NIPA1: variants seen among roughly 807,000 people sequenced by gnomAD.
NIPA1 encodes the protein NIPA magnesium transporter 1, also known as magnesium transporter NIPA1.
A neutral mutation model predicts 23.9 loss-of-function variants in NIPA1; 13 were observed. The observed-to-expected ratio is 0.54, with a 90% CI of 0.35 to 0.87. The LOEUF is 0.87. NIPA1 is among the 40% of genes least tolerant of loss of function. The pLI, the probability that NIPA1 is intolerant of heterozygous loss-of-function variation, is 0.01. For synonymous variants in NIPA1, 234 were observed against 202.9 expected (o/e 1.15, Z -1.30); for missense variants, 362 against 429.7 (o/e 0.84, Z 1.39).
At chr15:22,813,468 G>A (rs1016287476) in intron 3 of NIPA1, among the ~76,000 whole-genome samples, 32 of 152,222 alleles carry the variant, frequency 2.1e-4, no homozygotes, top group Admixed American at 5.2e-4. Flanking sequence ...TACTTACTGC[G>A]AAAATGATTG....
chr15:22,816,177 G>GTT (rs1895411551), intron 3 of NIPA1, among the ~76,000 whole-genome samples: 1 of 116,198 alleles, frequency 8.6e-6, no homozygotes, highest in Non-Finnish European at 1.7e-5. Flanking sequence ...CAGAAGACCT[G>GTT]ATTTTTTTTT....
chr15:22,793,514 C>T (rs1213199857), intron 1 of NIPA1, among the ~76,000 whole-genome samples: 1 of 151,626 alleles, frequency 6.6e-6, no homozygotes, highest in Non-Finnish European at 1.5e-5. Context: ...GATCTTGGCT[C>T]ACTGCAACCT....
At chr15:22,793,768 G>A (rs906319698) in intron 1 of NIPA1, among the ~76,000 whole-genome samples, 5 of 152,082 alleles carry the variant, frequency 3.3e-5, no homozygotes, top group African/African-American at 1.2e-4. Flanking sequence ...TAGAGGTCCG[G>A]TTTTATTTTT....
intron 3 of NIPA1, among the ~76,000 whole-genome samples, chr15:22,813,074 G>A (rs908474778): frequency 2.0e-5 from 3 of 152,128 alleles, no homozygotes; most frequent in Admixed American, 6.6e-5. Context: ...TTTCTTAGGA[G>A]AAGGTCCCGG....
At chr15:22,811,630 CTTTG>C (rs1316473740) in intron 2 of NIPA1, among the ~76,000 whole-genome samples, 9 of 152,232 alleles carry the variant, frequency 5.9e-5, no homozygotes, top group Non-Finnish European at 1.5e-5. Context: ...ACATCATGTA[CTTTG>C]TTTGTCACAT....
rs769522060 is a variant in NIPA1 at position 22,823,774 on chromosome 15, C to T, written c.525C>T (p.Leu175=). 5.0e-5 allele frequency: 80 copies of T among 1,613,082 alleles called. No homozygotes were observed. Among genetic ancestry groups the T allele is most frequent in the Admixed American group, 2.8e-4 (17 of 59,934 alleles). ...LCIVLLMLLL[L]IFWIAPAHGP... Reference sequence around the variant, plus strand: ...TCGTGCTGCTCATGCTGCTGCTGCTCATCTTCTGGATCGCGCCGGCCCATG... The same window carrying T: ...TCGTGCTGCTCATGCTGCTGCTGCTTATCTTCTGGATCGCGCCGGCCCATG... The change falls in exon 5 of 5, where the codon CTC becomes CTT. Residue 175 remains leucine, a synonymous_variant. Coordinates refer to ENST00000337435, the MANE Select transcript of NIPA1 (RefSeq NM_144599.5).
At chr15:22,820,666 A>C (rs751497382) in intron 4 of NIPA1, among the ~76,000 whole-genome samples, 193 bp downstream of exon 4, 1 of 151,682 alleles carries the variant, frequency 6.6e-6, no homozygotes, top group Non-Finnish European at 1.5e-5. Flanking sequence ...CTCTGCCCTC[A>C]CCCTCCCGCC....
chr15:22,788,654 A>AGTT (rs1894763145), intron 1 of NIPA1, among the ~76,000 whole-genome samples: 2 of 152,148 alleles, frequency 1.3e-5, no homozygotes, highest in South Asian at 4.1e-4. Flanking sequence ...TACCAGCTTT[A>AGTT]GTTAGTTTTC....
upstream of NIPA1, chr15:22,786,294 C>G (rs1894693821): frequency 6.6e-6 from 1 of 152,268 alleles, no homozygotes; most frequent in Admixed American, 6.5e-5. Context: ...GGACCGCTGC[C>G]CGCCGGTGCG....
chr15:22,820,434 A>G lies in NIPA1; in HGVS notation c.439A>G (p.Thr147Ala), dbSNP rs1566787748. The part of the protein sequence containing the change: ...IIHSPKSESV[T>A]TQAELEEKLT... The stretch of plus-strand genomic sequence containing the variant: ...CCACTCCCCAAAGTCTGAGAGTGTG[A>G]CAACTCAGGCTGAGCTGGAGGAAAA... The change falls in exon 4 of 5, where the codon ACA becomes GCA. Residue 147 changes from threonine (T) to alanine (A), a missense_variant. Transcript: ENST00000337435. The G allele has an allele frequency of 6.2e-7, 1 of 1,613,224 alleles. No homozygotes were observed. The highest frequency in any genetic ancestry group is 1.1e-5 in the South Asian group (1 of 91,068).
intron 3 of NIPA1, among the ~76,000 whole-genome samples, chr15:22,817,642 A>C (rs1187050782): frequency 6.6e-6 from 1 of 151,616 alleles, no homozygotes; most frequent in Middle Eastern, 3.2e-3. Flanking sequence ...CTCTACTAAA[A>C]GAAATACAAA....
intron 1 of NIPA1, among the ~76,000 whole-genome samples, chr15:22,797,738 C>T (rs568431419): frequency 2.0e-5 from 3 of 151,652 alleles, no homozygotes; most frequent in East Asian, 1.9e-4. Flanking sequence ...CCTGACCTCA[C>T]GTGATCCGCC....
rs146546813 is a variant in NIPA1 at position 22,825,746 on chromosome 15, G to C, written c.*1507G>C. ...ATTTTCTAACAAAAAGCCAATAAAT[G>C]TAGCCATCTCCTTGTTGTTTGCAAT... On this transcript the variant is annotated 3_prime_UTR_variant, in exon 5 of 5. Transcript: ENST00000337435. 1 of 152,694 alleles carries C rather than the reference G, an allele frequency of 6.5e-6. No homozygotes were observed. The highest frequency in any genetic ancestry group is 1.5e-5 in the Non-Finnish European group (1 of 68,016). The allele number at this position is 152,694 out of a possible 1,614,324, so 9.5% of individuals were successfully genotyped here. A position where few individuals can be genotyped will look rare whatever the true frequency, so the allele number is the denominator to read the frequency against.
chr15:22,809,321 A>G (rs1309568207), intron 1 of NIPA1, among the ~76,000 whole-genome samples: 1 of 152,074 alleles, frequency 6.6e-6, no homozygotes, highest in Admixed American at 6.6e-5. Flanking sequence ...CAGGAGGCAG[A>G]GGTTGTAGTC....
At chr15:22,810,592 A>G (rs1895298529) in intron 1 of NIPA1, among the ~76,000 whole-genome samples, 157 bp from the exon 2 acceptor site, 3 of 152,188 alleles carry the variant, frequency 2.0e-5, no homozygotes, top group South Asian at 4.1e-4. Flanking sequence ...GCTGCCATTT[A>G]TAGATGAAAG....
intron 3 of NIPA1, chr15:22,814,205 A>G: frequency 1.3e-6 from 1 of 797,744 alleles, no homozygotes; most frequent in Non-Finnish European, 1.8e-6. Flanking sequence ...TTGGAAAAAA[A>G]CAATCAAAGA....
chr15:22,809,539 G>A (rs1053733034), intron 1 of NIPA1, among the ~76,000 whole-genome samples: 18 of 151,982 alleles, frequency 1.2e-4, no homozygotes, highest in African/African-American at 3.9e-4. Flanking sequence ...GAGGTCAGGA[G>A]TTCGAGACCA....
In NIPA1 at chr15:22,788,112, G is replaced by C. The variant is rs577321625; in HGVS notation, c.178+1278G>C. On this transcript the variant is annotated intron_variant, in intron 1 of 4. Coordinates refer to ENST00000337435, the MANE Select transcript of NIPA1 (RefSeq NM_144599.5). ...ACTGGGTGAGATGGTCAACGCGCGT[G>C]ACCTTATAAATAGGATGGCCTGAGA... Among the ~76,000 whole-genome samples, 40 of 152,222 alleles carry C rather than the reference G, an allele frequency of 2.6e-4. 2 individuals carry two copies. In the South Asian group the frequency reaches 7.9e-3, roughly 30 times the overall value.
chr15:22,787,217 C>T (rs1247579428), intron 1 of NIPA1, among the ~76,000 whole-genome samples: 1 of 152,118 alleles, frequency 6.6e-6, no homozygotes, highest in Non-Finnish European at 1.5e-5. Context: ...CAACCCGCGG[C>T]CGGGAGCCTC....
Sources: gnomAD v4.1 joint callset for allele counts (sites outside exome capture counted in the v4.1 genomes callset) on GRCh38, gnomAD v4.1.1 for gene constraint, MANE v1.5 for transcripts, NCBI Gene and HGNC (gene_info 2026-07-23, HGNC 2026-07-21) for gene names.